Variants in PTPRG observed in about 807,000 individuals in gnomAD.
PTPRG encodes the protein protein tyrosine phosphatase receptor type G.
PTPRG carries 102 observed loss-of-function variants against 165.3 expected under a neutral mutation model. The ratio of observed to expected loss-of-function variants is 0.62; its 90% CI spans 0.53 to 0.73. The LOEUF (loss-of-function observed/expected upper bound fraction) is 0.73. Ranked by LOEUF, PTPRG falls within the 30% of genes least tolerant of loss-of-function variation. PTPRG has a pLI of 0.00. For missense variants in PTPRG, 1,866 were observed against 1,861.4 expected (o/e 1.00, Z -0.05); for synonymous variants, 675 against 669.5 (o/e 1.01, Z -0.13).
chr3:61,837,030 C>T (rs1367642732), intron 2 of PTPRG, among the ~76,000 whole-genome samples: 1 of 152,160 alleles, frequency 6.6e-6, no homozygotes, highest in Non-Finnish European at 1.5e-5. Flanking sequence ...CCTGTCTCAC[C>T]CCCCAGAGTA....
chr3:62,066,805 C>T (rs564086565), intron 4 of PTPRG, among the ~76,000 whole-genome samples: 1 of 152,028 alleles, frequency 6.6e-6, no homozygotes, highest in African/African-American at 2.4e-5. Context: ...TTTGGGAGGC[C>T]GAGGTGGGCG....
At chr3:62,177,943 G>T (rs1267255379) in intron 8 of PTPRG, among the ~76,000 whole-genome samples, 3 of 151,716 alleles carry the variant, frequency 2.0e-5, no homozygotes, top group Non-Finnish European at 2.9e-5. Context: ...CATAAGTTCT[G>T]TGAGGGGTGA....
chr3:61,566,704 G>A (rs1264894339), intron 1 of PTPRG, among the ~76,000 whole-genome samples: 1 of 152,108 alleles, frequency 6.6e-6, no homozygotes, highest in Non-Finnish European at 1.5e-5. Flanking sequence ...ACGGAGTGCC[G>A]CCATGTTGGC....
intron 1 of PTPRG, among the ~76,000 whole-genome samples, chr3:61,565,863 T>C (rs1463592542): frequency 1.3e-5 from 2 of 151,964 alleles, no homozygotes; most frequent in African/African-American, 2.4e-5. Flanking sequence ...GGGCATCCGT[T>C]ATGGCCTTAG....
chr3:61,616,483 C>G (rs1701300421), intron 1 of PTPRG, among the ~76,000 whole-genome samples: 1 of 152,146 alleles, frequency 6.6e-6, no homozygotes, highest in African/African-American at 2.4e-5. Flanking sequence ...TGGGCTCCGA[C>G]TGTTTTGAAT....
chr3:62,116,045 C>G (rs910526205), intron 5 of PTPRG, among the ~76,000 whole-genome samples: 1 of 152,112 alleles, frequency 6.6e-6, no homozygotes, highest in Admixed American at 6.5e-5. Flanking sequence ...GGTTTATTGT[C>G]AGTGTTGTCT....
intron 2 of PTPRG, among the ~76,000 whole-genome samples, chr3:61,909,068 G>A (rs1299096495): frequency 1.3e-5 from 2 of 152,122 alleles, no homozygotes; most frequent in Non-Finnish European, 2.9e-5. Flanking sequence ...TGATAACTGG[G>A]TACTTTTAAT....
At position 62,222,189 on chromosome 3, in the gene PTPRG, G is replaced by A. The variant is rs917869765; in HGVS notation, c.2288+3206G>A. Among the ~76,000 whole-genome samples, 3 of 152,148 alleles carry A rather than the reference G, an allele frequency of 2.0e-5. No homozygotes were observed. The highest frequency in any genetic ancestry group is 6.5e-5 in the Admixed American group (1 of 15,276). ...AGTTGACAAAAATCCATTTCAAAAT[G>A]CCTTAAAGCTCAAGGGGAAAAAAAA... On this transcript the variant is annotated intron_variant, in intron 13 of 29. Coordinates refer to ENST00000474889, the MANE Select transcript of PTPRG (RefSeq NM_002841.4). The surrounding 1 kb of genome is among the most constrained non-coding windows in gnomAD (Gnocchi z 4.5).
At position 61,748,989 on chromosome 3, in the gene PTPRG, C is replaced by T; in HGVS notation, c.190+7C>T. 4 of 1,608,204 alleles carry T rather than the reference C, an allele frequency of 2.5e-6. No individual in the cohort carries two copies. The highest frequency in any genetic ancestry group is 1.3e-5 in the African/African-American group (1 of 74,882). On this transcript the variant is annotated splice_region_variant and intron_variant, in intron 2 of 29. Transcript: ENST00000474889. ...CCGTACTGGGCCTACTCTGGTAAGT[C>T]CAGTTGTTCTAATGGAGATCACACA...
intron 23 of PTPRG, among the ~76,000 whole-genome samples, 181 bp from the exon 24 acceptor site, chr3:62,275,692 A>G (rs1287053923): frequency 6.6e-6 from 1 of 152,186 alleles, no homozygotes; most frequent in Non-Finnish European, 1.5e-5. Flanking sequence ...TAACTGAGCT[A>G]CAATCATGCC....
intron 2 of PTPRG, among the ~76,000 whole-genome samples, chr3:61,960,488 A>C (rs2040125923): frequency 6.6e-6 from 1 of 152,190 alleles, no homozygotes; most frequent in Non-Finnish European, 1.5e-5. Context: ...CATTTGATCA[A>C]GTCATAAACC....
At chr3:61,817,911 T>G (rs1403262495) in intron 2 of PTPRG, among the ~76,000 whole-genome samples, 1 of 152,134 alleles carries the variant, frequency 6.6e-6, no homozygotes, top group African/African-American at 2.4e-5. Context: ...GAAGAACTGC[T>G]GGGGGTAGAA....
At chr3:61,742,402 A>ACTT in intron 1 of PTPRG, 1 of 786,676 alleles carries the variant, frequency 1.3e-6, no homozygotes, top group Non-Finnish European at 1.9e-6. Flanking sequence ...TTGGGTCTGG[A>ACTT]ATTTTTTTTT....
chr3:62,191,745 T>C (rs1699828278), intron 9 of PTPRG, 92 bp downstream of exon 9: 9 of 1,253,634 alleles, frequency 7.2e-6, no homozygotes. Flanking sequence ...GTGCCAGCTC[T>C]GTGTCATCTG....
intron 2 of PTPRG, among the ~76,000 whole-genome samples, chr3:61,861,773 C>T (rs1297617289): frequency 6.6e-6 from 1 of 152,146 alleles, no homozygotes; most frequent in Non-Finnish European, 1.5e-5. Flanking sequence ...CCTCAGCAGT[C>T]ACTGCTACAG....
chr3:62,191,996 G>T (rs989907395), intron 9 of PTPRG, among the ~76,000 whole-genome samples: 1 of 152,094 alleles, frequency 6.6e-6, no homozygotes, highest in Non-Finnish European at 1.5e-5. Flanking sequence ...AATACTAAAT[G>T]AGCTATGCAA....
chr3:61,943,218 T>C (rs552215185), intron 2 of PTPRG, among the ~76,000 whole-genome samples: 2 of 152,332 alleles, frequency 1.3e-5, no homozygotes, highest in South Asian at 2.1e-4. Flanking sequence ...CTGGAGTTTT[T>C]GGTCTAACCA....
intron 2 of PTPRG, among the ~76,000 whole-genome samples, chr3:61,967,492 C>T (rs973974450): frequency 1.3e-5 from 2 of 152,148 alleles, no homozygotes; most frequent in African/African-American, 4.8e-5. Context: ...CGCCTCATTT[C>T]AAATGTTAGT....
intron 2 of PTPRG, among the ~76,000 whole-genome samples, chr3:61,941,353 G>A (rs1042570432): frequency 3.7e-4 from 57 of 152,200 alleles, no homozygotes; most frequent in African/African-American, 1.4e-3. Context: ...GGCCAGGCAT[G>A]GTGGCTCACG....
Sources: allele counts gnomAD v4.1 joint callset (sites outside exome capture counted in the v4.1 genomes callset), GRCh38; gene constraint gnomAD v4.1.1; non-coding constraint Gnocchi (gnomAD v3.1); transcripts MANE v1.5; gene names NCBI Gene and HGNC (gene_info 2026-07-23, HGNC 2026-07-21).